Variants in NPAS2 observed in about 807,000 individuals in gnomAD.
The protein encoded by NPAS2 is neuronal PAS domain-containing protein 2.
In NPAS2, 23 loss-of-function variants were observed where a neutral mutation model predicts 107.5. The observed-to-expected ratio is 0.21, with a 90% CI of 0.15 to 0.30. NPAS2 has a LOEUF of 0.30. NPAS2 is among the 10% of genes least tolerant of loss of function. The probability of loss-of-function intolerance (pLI) is 1.00; values close to 1 mark genes in which losing one functional copy is unlikely to be tolerated. For synonymous variants in NPAS2, 403 were observed against 417.5 expected, an observed-to-expected ratio of 0.97 and a Z score of 0.42; for missense variants, 756 against 1,043.3, an observed-to-expected ratio of 0.72 and a Z score of 3.79.
chr2:100,855,074 T>C (rs1157755903), intron 1 of NPAS2, among the ~76,000 whole-genome samples: 1 of 152,256 alleles, frequency 6.6e-6, no homozygotes, highest in African/African-American at 2.4e-5. Context: ...CTCACCCATA[T>C]AGCTTTACTT....
chr2:100,962,052 C>T (rs1283132668), intron 7 of NPAS2, among the ~76,000 whole-genome samples: 1 of 152,008 alleles, frequency 6.6e-6, no homozygotes, highest in African/African-American at 2.4e-5. Context: ...TAGAACCGTC[C>T]CTTATGTGGA....
intron 1 of NPAS2, among the ~76,000 whole-genome samples, chr2:100,845,419 A>G (rs1677714619): frequency 6.6e-6 from 1 of 152,180 alleles, no homozygotes; most frequent in Non-Finnish European, 1.5e-5. Flanking sequence ...TGGTCTGCCC[A>G]TTGTCCATTT....
intron 2 of NPAS2, among the ~76,000 whole-genome samples, chr2:100,917,687 C>T (rs191124077): frequency 6.6e-6 from 1 of 152,016 alleles, no homozygotes; most frequent in Non-Finnish European, 1.5e-5. Context: ...CAATTAGAGC[C>T]GCATAAAATC....
intron 1 of NPAS2, among the ~76,000 whole-genome samples, chr2:100,885,699 G>C (rs1209008336): frequency 6.6e-6 from 1 of 152,174 alleles, no homozygotes; most frequent in Non-Finnish European, 1.5e-5. Flanking sequence ...TTATGAGATG[G>C]AGTCTTGCTC....
chr2:100,977,790 C>G lies in NPAS2; in HGVS notation c.1473C>G (p.Pro491=). The G allele has an allele frequency of 6.2e-7, 1 of 1,614,002 alleles. No homozygotes were observed. The highest frequency in any genetic ancestry group is 1.7e-5 in the Admixed American group (1 of 60,032). Residue 491 remains proline, a synonymous_variant, in exon 15 of 21, where the codon CCC becomes CCG. Transcript: ENST00000335681. ...CCGTTCTGCAGAGCACGCCCGCTCC[C>G]ATGGCACAGGTGAGTCTGGGACCCA... The part of the protein sequence containing the change: ...PQTVLQSTPA[P]MAQFSAQFSM...
intron 4 of NPAS2, chr2:100,935,008 C>T: frequency 1.0e-6 from 1 of 985,376 alleles, no homozygotes; most frequent in Non-Finnish European, 1.2e-6. Flanking sequence ...CGTCTTCTTC[C>T]CTCTTCTCTC....
intron 11 of NPAS2, among the ~76,000 whole-genome samples, chr2:100,970,352 G>C (rs1174875243): frequency 6.6e-6 from 1 of 152,248 alleles, no homozygotes; most frequent in African/African-American, 2.4e-5. Flanking sequence ...GAATGAATCA[G>C]GTGGCAGGCG....
At chr2:100,819,882 C>A (rs562028678), upstream of NPAS2, among the ~76,000 whole-genome samples, 84 of 152,140 alleles carry the variant, frequency 5.5e-4, no homozygotes, top group African/African-American at 2.0e-3. The surrounding 1 kb of genome is among the most constrained non-coding windows in gnomAD (Gnocchi z 5.8). Context: ...GCAGAGGCTG[C>A]GGCGGCCTGG....
chr2:100,993,625 G>C lies in NPAS2; in HGVS notation c.2292+98G>C, dbSNP rs925203739. On this transcript the variant is annotated intron_variant, in intron 20 of 20. Coordinates refer to ENST00000335681, the MANE Select transcript of NPAS2 (RefSeq NM_002518.4). ...AGATATTTTATTCCCTTGCTTTCAA[G>C]GTTGTTCTATCCCTAGTATAGAAGT... 15 of 997,482 alleles carry C rather than the reference G, an allele frequency of 1.5e-5. No homozygotes were observed. In the Admixed American group the frequency reaches 4.3e-4, roughly 28 times the overall value. The allele number at this position is 997,482 out of a possible 1,614,324, so 61.8% of individuals were successfully genotyped here. A position where few individuals can be genotyped will look rare whatever the true frequency, so the allele number is the denominator to read the frequency against.
At chr2:100,931,180 A>C (rs1558883009) in intron 3 of NPAS2, among the ~76,000 whole-genome samples, 1 of 152,128 alleles carries the variant, frequency 6.6e-6, no homozygotes, top group Non-Finnish European at 1.5e-5. Context: ...GTTTCCCCAC[A>C]GCGCGGCCCT....
intron 1 of NPAS2, among the ~76,000 whole-genome samples, chr2:100,903,207 A>T (rs1452128191): frequency 1.3e-5 from 2 of 152,174 alleles, no homozygotes; most frequent in Admixed American, 6.5e-5. Context: ...TGGGGCTTTG[A>T]TCAGCCACCA....
chr2:100,913,665 A>G (rs1387800608), intron 2 of NPAS2, among the ~76,000 whole-genome samples: 1 of 152,104 alleles, frequency 6.6e-6, no homozygotes, highest in Non-Finnish European at 1.5e-5. Flanking sequence ...ACTGCCTTTT[A>G]TCCTCATTCC....
At chr2:100,860,716 T>C (rs1678887285) in intron 1 of NPAS2, among the ~76,000 whole-genome samples, 2 of 152,192 alleles carry the variant, frequency 1.3e-5, no homozygotes, top group Non-Finnish European at 2.9e-5. Context: ...TAATTACAGT[T>C]TGGGTTCTCA....
chr2:100,857,729 C>T (rs899595409), intron 1 of NPAS2, among the ~76,000 whole-genome samples: 2 of 152,238 alleles, frequency 1.3e-5, no homozygotes, highest in Non-Finnish European at 2.9e-5. Flanking sequence ...TTTCTGTGCA[C>T]CCGGCGTCTG....
At chr2:100,833,571 G>A (rs746164794) in intron 1 of NPAS2, among the ~76,000 whole-genome samples, 3 of 152,226 alleles carry the variant, frequency 2.0e-5, no homozygotes, top group Admixed American at 6.5e-5. Context: ...AACTCTAGAA[G>A]CCAAACACTC....
intron 1 of NPAS2, among the ~76,000 whole-genome samples, chr2:100,892,672 C>T (rs956341176): frequency 1.3e-5 from 2 of 152,062 alleles, no homozygotes; most frequent in African/African-American, 2.4e-5. Context: ...CAGGAGCTGC[C>T]GGCTCTCAGG....
intron 7 of NPAS2, among the ~76,000 whole-genome samples, chr2:100,960,090 A>C (rs1000470526): frequency 1.3e-5 from 2 of 152,100 alleles, no homozygotes; most frequent in African/African-American, 4.8e-5. Flanking sequence ...TTGGAAGCCA[A>C]CCTTGGGTGC....
At chr2:100,895,299 G>T (rs1195586376) in intron 1 of NPAS2, among the ~76,000 whole-genome samples, 8 of 152,182 alleles carry the variant, frequency 5.3e-5, no homozygotes, top group Non-Finnish European at 2.9e-5. Context: ...GACTGTGCTG[G>T]GGGCTTCCCT....
intron 10 of NPAS2, among the ~76,000 whole-genome samples, chr2:100,967,737 C>T (rs1402084377): frequency 6.6e-6 from 1 of 152,176 alleles, no homozygotes; most frequent in African/African-American, 2.4e-5. Flanking sequence ...CAGCAGACAT[C>T]ACTATGGGGG....
Sources: allele counts gnomAD v4.1 joint callset (sites outside exome capture counted in the v4.1 genomes callset), GRCh38; gene constraint gnomAD v4.1.1; non-coding constraint Gnocchi (gnomAD v3.1); transcripts MANE v1.5; gene names NCBI Gene and HGNC (gene_info 2026-07-23, HGNC 2026-07-21).